SNX24: variants seen among roughly 807,000 people sequenced by gnomAD.
SNX24 encodes the protein sorting nexin-24.
SNX24 carries 22 observed loss-of-function variants against 28.7 expected under a neutral mutation model. The observed-to-expected ratio is 0.77, with a 90% CI of 0.55 to 1.10. The LOEUF (loss-of-function observed/expected upper bound fraction) is 1.10. SNX24 is among the 50% of genes least tolerant of loss of function. The probability of loss-of-function intolerance (pLI) is 0.00; values close to 1 mark genes in which losing one functional copy is unlikely to be tolerated. For missense variants in SNX24, 221 were observed against 201.1 expected, an observed-to-expected ratio of 1.10 and a Z score of -0.60; for synonymous variants, 69 against 71.5, an observed-to-expected ratio of 0.96 and a Z score of 0.18.
chr5:122,994,622 C>T (rs1466701287), intron 3 of SNX24, among the ~76,000 whole-genome samples: 4 of 152,044 alleles, frequency 2.6e-5, no homozygotes, highest in African/African-American at 4.8e-5. Flanking sequence ...ATAATTGTAC[C>T]TTTTCAATAA....
intron 1 of SNX24, among the ~76,000 whole-genome samples, chr5:122,924,376 G>C (rs914393102): frequency 6.6e-6 from 1 of 152,120 alleles, no homozygotes; most frequent in Non-Finnish European, 1.5e-5. Flanking sequence ...TCTGATAACT[G>C]AGCTCCTACA....
At chr5:122,926,160 G>C (rs1758685762) in intron 1 of SNX24, among the ~76,000 whole-genome samples, 1 of 152,128 alleles carries the variant, frequency 6.6e-6, no homozygotes, top group Admixed American at 6.6e-5. Flanking sequence ...ACATGACCTG[G>C]AACAACAACT....
rs144240061 is a variant in SNX24, at chr5:122,967,231, C to T, written c.249+21072C>T. On this transcript the variant is annotated intron_variant, in intron 3 of 6. Transcript: ENST00000261369. ...TGCTTTACCCTTATTATCTCCTAGC[C>T]CTCACCACCATACTAGCTCAGCAGC... Among the ~76,000 whole-genome samples the T allele has an allele frequency of 9.3e-3, 1,413 of 152,290 alleles. 6 individuals carry two copies. Among genetic ancestry groups the T allele is most frequent in the Non-Finnish European group, 0.015 (1,035 of 68,032 alleles).
intron 3 of SNX24, among the ~76,000 whole-genome samples, chr5:122,963,798 T>C (rs1337600498): frequency 6.6e-6 from 1 of 152,238 alleles, no homozygotes; most frequent in Non-Finnish European, 1.5e-5. Flanking sequence ...GTCTCTTTCT[T>C]CACAGACATT....
chr5:122,880,251 G>GT lies in SNX24; in HGVS notation c.60+34561dup, dbSNP rs1372945011. Among the ~76,000 whole-genome samples, 4 of 151,636 alleles carry GT rather than the reference G, an allele frequency of 2.6e-5. No homozygotes were observed. In the South Asian group the frequency reaches 8.4e-4, roughly 32 times the overall value. ...GCCAAATTGAATCTGAGATACTGGT[G>GT]TTTCGGAGACGTGTGCCAGTGACAT... On this transcript the variant is annotated intron_variant, in intron 1 of 6. Coordinates refer to ENST00000261369, the MANE Select transcript of SNX24 (RefSeq NM_014035.4).
chr5:122,893,874 T>C (rs570882295), intron 1 of SNX24, among the ~76,000 whole-genome samples: 218 of 152,170 alleles, frequency 1.4e-3, no homozygotes, highest in African/African-American at 4.8e-3. Context: ...TGAAACCCTG[T>C]CTCTACTAAA....
At chr5:122,918,436 C>A (rs173480) in intron 1 of SNX24, among the ~76,000 whole-genome samples, 117,181 of 152,176 alleles carry the variant, frequency 0.77, 45,999 homozygotes, top group East Asian at 0.99. Context: ...ATGTACAGCT[C>A]TTCCTTAGGA....
chr5:122,849,493 CTT>C (rs1754797759), intron 1 of SNX24, among the ~76,000 whole-genome samples: 8 of 151,594 alleles, frequency 5.3e-5, no homozygotes. Context: ...GAAATGCTGA[CTT>C]TGAAATCTAA....
chr5:122,976,862 G>A (rs984250420), intron 3 of SNX24, among the ~76,000 whole-genome samples: 1 of 152,210 alleles, frequency 6.6e-6, no homozygotes, highest in African/African-American at 2.4e-5. Flanking sequence ...GCTTGTGAGA[G>A]CATGGCAGCG....
chr5:122,958,373 C>G (rs1229181369), intron 3 of SNX24, among the ~76,000 whole-genome samples: 2 of 152,170 alleles, frequency 1.3e-5, no homozygotes, highest in Non-Finnish European at 2.9e-5. Flanking sequence ...CCTGCCTCAG[C>G]CTCCCAAGTA....
intron 5 of SNX24, among the ~76,000 whole-genome samples, chr5:123,021,814 T>TAACA (rs971587499): frequency 6.6e-6 from 1 of 152,118 alleles, no homozygotes; most frequent in African/African-American, 2.4e-5. Context: ...CACCAGGCCC[T>TAACA]AACACACTGG....
chr5:122,951,278 AAAAAG>A (rs1380853460), intron 3 of SNX24, among the ~76,000 whole-genome samples: 3 of 150,406 alleles, frequency 2.0e-5, no homozygotes, highest in East Asian at 3.9e-4. Context: ...AAAAAAAAAA[AAAAAG>A]AAAAAGAAAA....
At chr5:123,002,233 T>C in intron 6 of SNX24, 2 of 557,172 alleles carry the variant, frequency 3.6e-6, no homozygotes, top group Non-Finnish European at 6.4e-6. Context: ...TGAATTAGAG[T>C]AATAAGGAAG....
At chr5:122,962,649 G>A (rs1760533683) in intron 3 of SNX24, among the ~76,000 whole-genome samples, 1 of 152,228 alleles carries the variant, frequency 6.6e-6, no homozygotes, top group Non-Finnish European at 1.5e-5. Flanking sequence ...ATAGGCCAGT[G>A]GAGGAGGCAT....
At chr5:122,893,535 C>G (rs1437309040) in intron 1 of SNX24, among the ~76,000 whole-genome samples, 1 of 152,054 alleles carries the variant, frequency 6.6e-6, no homozygotes, top group Non-Finnish European at 1.5e-5. Context: ...CATATATACA[C>G]ATAGTTATAT....
At chr5:123,012,247 A>T (rs185753898), downstream of SNX24, among the ~76,000 whole-genome samples, 1 of 152,210 alleles carries the variant, frequency 6.6e-6, no homozygotes. Flanking sequence ...ATGAGAACGG[A>T]CTAATACATA....
chr5:122,955,953 A>G (rs1489848032), intron 3 of SNX24, among the ~76,000 whole-genome samples: 1 of 151,974 alleles, frequency 6.6e-6, no homozygotes, highest in Non-Finnish European at 1.5e-5. Flanking sequence ...AGTTTCTTCC[A>G]TGGTGTTTGG....
chr5:122,859,813 G>C (rs1755374440), intron 1 of SNX24, among the ~76,000 whole-genome samples: 1 of 152,138 alleles, frequency 6.6e-6, no homozygotes. Context: ...AAATACATTG[G>C]TTTGTCCAGA....
intron 5 of SNX24, among the ~76,000 whole-genome samples, chr5:123,021,296 C>G (rs991198046): frequency 6.6e-6 from 1 of 152,186 alleles, no homozygotes; most frequent in Non-Finnish European, 1.5e-5. Context: ...ACAGCTCTAT[C>G]CCACCCTACA....
Sources: gnomAD v4.1 joint callset for allele counts (sites outside exome capture counted in the v4.1 genomes callset) on GRCh38, gnomAD v4.1.1 for gene constraint, MANE v1.5 for transcripts, NCBI Gene and HGNC (gene_info 2026-07-23, HGNC 2026-07-21) for gene names.